PTPRD: variants seen among roughly 807,000 people sequenced by gnomAD.
PTPRD encodes protein tyrosine phosphatase receptor type D.
In PTPRD, 34 loss-of-function variants were observed where a neutral mutation model predicts 214.5. The observed-to-expected ratio is 0.16, with a 90% CI of 0.12 to 0.21. The LOEUF (loss-of-function observed/expected upper bound fraction) is 0.21, where lower values mean the gene tolerates loss of function less well. PTPRD is among the 10% of genes least tolerant of loss of function. The pLI, the probability that PTPRD is intolerant of heterozygous loss-of-function variation, is 1.00. For missense variants in PTPRD, 2,545 were observed against 2,398.7 expected (o/e 1.06, Z -1.27); for synonymous variants, 1,128 against 845.7 (o/e 1.33, Z -5.79).
At chr9:8,973,715 T>C (rs1055490755) in intron 11 of PTPRD, among the ~76,000 whole-genome samples, 3 of 152,108 alleles carry the variant, frequency 2.0e-5, no homozygotes, top group Non-Finnish European at 4.4e-5. Flanking sequence ...CTCTGTAGCC[T>C]CTCCAGCATT....
At chr9:9,859,188 G>A (rs112419083) in intron 5 of PTPRD, among the ~76,000 whole-genome samples, 34 of 152,254 alleles carry the variant, frequency 2.2e-4, no homozygotes, top group East Asian at 1.9e-3. Flanking sequence ...GCCTTCTGCC[G>A]TGATTGTAAG....
intron 10 of PTPRD, among the ~76,000 whole-genome samples, chr9:9,090,214 T>C (rs985431393): frequency 3.9e-5 from 6 of 151,994 alleles, no homozygotes; most frequent in Non-Finnish European, 7.4e-5. Flanking sequence ...TCCCTGGCCC[T>C]CCATACCCTT....
chr9:10,442,878 T>C (rs1460995685), intron 2 of PTPRD, among the ~76,000 whole-genome samples: 4 of 151,550 alleles, frequency 2.6e-5, no homozygotes, highest in Admixed American at 2.0e-4. Context: ...CACCCTATCA[T>C]GTTTCTTGAA....
chr9:9,972,445 C>T (rs2095158401), intron 4 of PTPRD, among the ~76,000 whole-genome samples: 1 of 152,150 alleles, frequency 6.6e-6, no homozygotes, highest in Non-Finnish European at 1.5e-5. Context: ...TCCCACATTA[C>T]TCTTTTGGGT....
intron 30 of PTPRD, 105 bp downstream of exon 30, chr9:8,484,014 C>A (rs1404548004): frequency 7.2e-7 from 1 of 1,397,764 alleles, no homozygotes; most frequent in Non-Finnish European, 9.6e-7. Context: ...GAATCTTTCA[C>A]TACATTAAGC....
intron 9 of PTPRD, among the ~76,000 whole-genome samples, chr9:9,310,415 C>A (rs1342157767): frequency 6.6e-6 from 1 of 152,028 alleles, no homozygotes; most frequent in Non-Finnish European, 1.5e-5. Flanking sequence ...TGCTCCTTAC[C>A]CATTCTCTCT....
intron 9 of PTPRD, among the ~76,000 whole-genome samples, chr9:9,313,951 A>T (rs1960865502): frequency 1.3e-5 from 2 of 152,100 alleles, no homozygotes; most frequent in African/African-American, 4.8e-5. Flanking sequence ...GATTCTTTCC[A>T]TGTGCTCAGT....
chr9:8,879,799 T>TA (rs2098426530), intron 11 of PTPRD, among the ~76,000 whole-genome samples: 1 of 152,306 alleles, frequency 6.6e-6, no homozygotes, highest in African/African-American at 2.4e-5. Flanking sequence ...GGAGAGAGGC[T>TA]GGACCAAATC....
intron 11 of PTPRD, among the ~76,000 whole-genome samples, chr9:8,988,289 C>T (rs1184940306): frequency 2.0e-5 from 3 of 151,966 alleles, no homozygotes; most frequent in Non-Finnish European, 4.4e-5. Flanking sequence ...ATTAACTTAC[C>T]GTTGGCCATG....
rs1377519916 is a variant in PTPRD at position 9,106,297 on chromosome 9, T to C, written c.-143+77007A>G. On this transcript the variant is annotated intron_variant, in intron 10 of 45. Transcript: ENST00000381196. ...GATTTGGAAATGAAGGTTATAATAA[T>C]AATATCAATAATATTAATACAATAA... Among the ~76,000 whole-genome samples, 6 of 152,102 alleles carry C rather than the reference T, an allele frequency of 3.9e-5. 1 individual carries two copies. In the Middle Eastern group the frequency reaches 0.014, roughly 347 times the overall value.
chr9:9,069,046 A>G lies in PTPRD; in HGVS notation c.-142-50311T>C, dbSNP rs1472712386. On this transcript the variant is annotated intron_variant, in intron 10 of 45. Coordinates refer to ENST00000381196, the MANE Select transcript of PTPRD (RefSeq NM_002839.4). Reference sequence around the variant, plus strand: ...GGAAAATAAAAAGCACCCACTTAAGAAAAAACAAATTAAGAATATGCTTTT... The same window carrying G: ...GGAAAATAAAAAGCACCCACTTAAGGAAAAACAAATTAAGAATATGCTTTT... Among the ~76,000 whole-genome samples the G allele has an allele frequency of 3.9e-5, 6 of 152,234 alleles. No individual in the cohort carries two copies. In the South Asian group the frequency reaches 6.2e-4, roughly 16 times the overall value.
At chr9:8,917,916 C>A (rs1457581179) in intron 11 of PTPRD, among the ~76,000 whole-genome samples, 1 of 152,150 alleles carries the variant, frequency 6.6e-6, no homozygotes, top group Non-Finnish European at 1.5e-5. Context: ...CATGCCCATT[C>A]TCCCACCACA....
chr9:10,516,880 C>T lies in PTPRD; in HGVS notation c.-600+95518G>A, dbSNP rs775734386. Among the ~76,000 whole-genome samples, 23 of 151,842 alleles carry T rather than the reference C, an allele frequency of 1.5e-4. 1 individual carries two copies. The highest frequency in any genetic ancestry group is 2.9e-4 in the Non-Finnish European group (20 of 67,834). Reference sequence around the variant, plus strand: ...GTAACCTTGTGAAAGGTCAGTTGACCAATCATGCGTGCTTTCACTTCTGGA... The same window carrying T: ...GTAACCTTGTGAAAGGTCAGTTGACTAATCATGCGTGCTTTCACTTCTGGA... On this transcript the variant is annotated intron_variant, in intron 2 of 45. Transcript: ENST00000381196.
At chr9:8,425,628 C>G (rs1535676) in intron 35 of PTPRD, among the ~76,000 whole-genome samples, 1 of 151,816 alleles carries the variant, frequency 6.6e-6, no homozygotes, top group African/African-American at 2.4e-5. Flanking sequence ...TTGTCCCACT[C>G]CCAAGATTAA....
At chr9:8,859,206 G>C (rs80265000) in intron 11 of PTPRD, among the ~76,000 whole-genome samples, 7,907 of 152,252 alleles carry the variant, frequency 0.052, 323 homozygotes, top group African/African-American at 0.11. Flanking sequence ...CATGCCACTT[G>C]CTTTTATGTT....
intron 8 of PTPRD, among the ~76,000 whole-genome samples, chr9:9,495,969 C>T (rs181455938): frequency 2.6e-5 from 4 of 152,136 alleles, no homozygotes; most frequent in East Asian, 1.9e-4. Flanking sequence ...CCTCAGGCCC[C>T]GCATGAAGCT....
rs143653813 is a variant in PTPRD at position 9,483,114 on chromosome 9, T to A, written c.-236-85632A>T. On this transcript the variant is annotated intron_variant, in intron 8 of 45. Transcript: ENST00000381196. ...TATTGATATCTAAGAATAAGATCTATCCTTTAAAAGCATTGTGGTACAATA... is the reference window on the plus strand; with the variant it reads ...TATTGATATCTAAGAATAAGATCTAACCTTTAAAAGCATTGTGGTACAATA... Among the ~76,000 whole-genome samples, 7 of 152,278 alleles carry A rather than the reference T, an allele frequency of 4.6e-5. No homozygotes were observed. The East Asian group carries it at 1.4e-3, about 29-fold the overall frequency.
chr9:10,480,768 A>G (rs751378371), intron 2 of PTPRD, among the ~76,000 whole-genome samples: 2 of 152,156 alleles, frequency 1.3e-5, no homozygotes, highest in Non-Finnish European at 2.9e-5. Context: ...TAAAAGAAAG[A>G]GTTCCACAAG....
At chr9:8,725,197 TG>T (rs2098544307) in intron 12 of PTPRD, among the ~76,000 whole-genome samples, 1 of 152,198 alleles carries the variant, frequency 6.6e-6, no homozygotes, top group Admixed American at 6.5e-5. Flanking sequence ...AGGAAAGCTG[TG>T]GATTACTTTT....
Sources: gnomAD v4.1 joint callset for allele counts (sites outside exome capture counted in the v4.1 genomes callset) on GRCh38, gnomAD v4.1.1 for gene constraint, MANE v1.5 for transcripts, NCBI Gene and HGNC (gene_info 2026-07-23, HGNC 2026-07-21) for gene names.